APBB2: variants seen among roughly 807,000 people sequenced by gnomAD.
APBB2 encodes the protein amyloid beta precursor protein binding family B member 2, also known as Fe65-like 1.
A neutral mutation model predicts 82.5 loss-of-function variants in APBB2; 38 were observed. The ratio of observed to expected loss-of-function variants is 0.46; its 90% CI spans 0.36 to 0.60. APBB2 has a LOEUF of 0.60. APBB2 is among the 20% of genes least tolerant of loss of function. The probability of loss-of-function intolerance (pLI) is 0.00; values close to 1 mark genes in which losing one functional copy is unlikely to be tolerated. For missense variants in APBB2, 772 were observed against 972.3 expected, an observed-to-expected ratio of 0.79 and a Z score of 2.74; for synonymous variants, 341 against 368.2, an observed-to-expected ratio of 0.93 and a Z score of 0.85.
chr4:40,984,121 C>T (rs1219048982), intron 6 of APBB2, among the ~76,000 whole-genome samples: 3 of 152,058 alleles, frequency 2.0e-5, no homozygotes, highest in Admixed American at 1.3e-4. Flanking sequence ...AAGGGATGGC[C>T]GGATGAGGTT....
At chr4:41,046,003 G>A (rs1466676576) in intron 4 of APBB2, among the ~76,000 whole-genome samples, 1 of 151,980 alleles carries the variant, frequency 6.6e-6, no homozygotes, top group African/African-American at 2.4e-5. Flanking sequence ...TTTATATTCA[G>A]AGACAAAGAT....
At chr4:40,866,104 G>A (rs150183614) in intron 12 of APBB2, among the ~76,000 whole-genome samples, 44 of 152,282 alleles carry the variant, frequency 2.9e-4, no homozygotes, top group African/African-American at 9.1e-4. Flanking sequence ...CCACTCTTAC[G>A]TATTTACCCA....
chr4:40,997,642 TATTTTCATA>T (rs1237909353), intron 6 of APBB2, among the ~76,000 whole-genome samples: 2 of 152,214 alleles, frequency 1.3e-5, no homozygotes, highest in Non-Finnish European at 2.9e-5. Flanking sequence ...AGATTGAAGC[TATTTTCATA>T]ACACTCAGAT....
intron 12 of APBB2, among the ~76,000 whole-genome samples, chr4:40,888,089 G>A (rs974632839): frequency 1.3e-5 from 2 of 152,226 alleles, no homozygotes; most frequent in African/African-American, 4.8e-5. Flanking sequence ...AGGAAGCCAT[G>A]TCATTAGCTG....
chr4:40,985,162 G>C (rs938792138), intron 6 of APBB2, among the ~76,000 whole-genome samples: 18 of 151,566 alleles, frequency 1.2e-4, no homozygotes, highest in Admixed American at 6.6e-5. Context: ...TGATCCTCTT[G>C]CCTCAGCCTC....
chr4:40,955,875 A>C (rs1428195113), intron 6 of APBB2, among the ~76,000 whole-genome samples: 1 of 152,008 alleles, frequency 6.6e-6, no homozygotes, highest in Non-Finnish European at 1.5e-5. Context: ...TCCTGGGTTC[A>C]AGTGATTCTC....
intron 6 of APBB2, among the ~76,000 whole-genome samples, chr4:40,952,577 G>A (rs924299652): frequency 4.6e-5 from 7 of 152,252 alleles, no homozygotes; most frequent in Middle Eastern, 3.4e-3. Context: ...AACCCCAAAT[G>A]AATAAACTTG....
Position 41,041,023 on chromosome 4 carries a change from A to G in APBB2, c.-50-7719T>C, listed in dbSNP as rs151020088. Among the ~76,000 whole-genome samples the G allele has an allele frequency of 4.5e-3, 691 of 152,050 alleles. 4 individuals are homozygous for G. The highest frequency in any genetic ancestry group is 0.013 in the African/African-American group (541 of 41,468). ...AGCCTCTCGAGCAGCTGGGACTACA[A>G]GCGCCCACCACCACACCCGGCTGAT... is the stretch of plus-strand genomic sequence containing the variant. On this transcript the variant is annotated intron_variant, in intron 4 of 17. Coordinates refer to ENST00000508593, the MANE Select transcript of APBB2 (RefSeq NM_004307.2).
At chr4:40,942,234 G>C (rs916834203) in intron 7 of APBB2, among the ~76,000 whole-genome samples, 16 of 152,168 alleles carry the variant, frequency 1.1e-4, no homozygotes, top group African/African-American at 3.6e-4. Context: ...GAAGACTTTT[G>C]CCCTGTTGCT....
chr4:40,964,007 A>C (rs1158637023), intron 6 of APBB2, among the ~76,000 whole-genome samples: 1 of 152,234 alleles, frequency 6.6e-6, no homozygotes, highest in Non-Finnish European at 1.5e-5. Context: ...AGTACAAGTT[A>C]CTTTTAAAAG....
chr4:41,116,911 T>C (rs1751172139), intron 2 of APBB2, among the ~76,000 whole-genome samples: 1 of 152,164 alleles, frequency 6.6e-6, no homozygotes, highest in Admixed American at 6.5e-5. Context: ...GTGATTTTCT[T>C]TCCTCCAAAA....
At chr4:41,003,957 C>A (rs1382004915) in intron 6 of APBB2, among the ~76,000 whole-genome samples, 2 of 152,228 alleles carry the variant, frequency 1.3e-5, no homozygotes, top group Non-Finnish European at 2.9e-5. Context: ...AGGTGATCCG[C>A]CCACCTTGGC....
At position 40,946,254 on chromosome 4, in the gene APBB2, A is replaced by AAAAAAAAAAAAAAAAAAAAAAAAAC. The variant is rs1553875174; in HGVS notation, c.836-1182_836-1181insGTTTTTTTTTTTTTTTTTTTTTTTT. 2.4e-4 allele frequency among the ~76,000 whole-genome samples: 27 copies of AAAAAAAAAAAAAAAAAAAAAAAAAC among 114,600 alleles called. 2 individuals carry two copies. Among genetic ancestry groups the AAAAAAAAAAAAAAAAAAAAAAAAAC allele is most frequent in the Non-Finnish European group, 4.1e-4 (22 of 54,048 alleles). The allele number at this position is 114,600 out of a possible 152,430, so 75.2% of individuals were successfully genotyped here. A position where few individuals can be genotyped will look rare whatever the true frequency, so the allele number is the denominator to read the frequency against. ...CTCCAAAAAAAAAAAAAAAAAAAAA[A>AAAAAAAAAAAAAAAAAAAAAAAAAC]CATTCCCAAGGAAAGCAGATTGGAA... is the stretch of plus-strand genomic sequence containing the variant. On this transcript the variant is annotated intron_variant, in intron 6 of 17. Coordinates refer to ENST00000508593, the MANE Select transcript of APBB2 (RefSeq NM_004307.2).
chr4:41,067,633 C>T (rs938512660), intron 3 of APBB2, among the ~76,000 whole-genome samples: 5 of 152,108 alleles, frequency 3.3e-5, no homozygotes, highest in Non-Finnish European at 7.3e-5. Flanking sequence ...TCCTGGAGAA[C>T]ACACATAACA....
At chr4:41,054,135 G>T (rs1727013885) in intron 4 of APBB2, among the ~76,000 whole-genome samples, 1 of 152,188 alleles carries the variant, frequency 6.6e-6, no homozygotes, top group Admixed American at 6.5e-5. Flanking sequence ...TTTCCTTCAT[G>T]CTTGTCACCT....
chr4:41,038,824 A>G (rs1720263651), intron 4 of APBB2, among the ~76,000 whole-genome samples: 1 of 152,256 alleles, frequency 6.6e-6, no homozygotes, highest in Non-Finnish European at 1.5e-5. Flanking sequence ...AAGGAGGGAA[A>G]CATTTCAATA....
intron 3 of APBB2, among the ~76,000 whole-genome samples, chr4:41,074,066 C>T (rs577098845): frequency 1.5e-4 from 23 of 152,260 alleles, no homozygotes; most frequent in Non-Finnish European, 3.1e-4. Context: ...TTCAAGGCTA[C>T]AGTGAGCTAT....
At chr4:40,875,665 A>G (rs1766696758) in intron 12 of APBB2, among the ~76,000 whole-genome samples, 1 of 152,190 alleles carries the variant, frequency 6.6e-6, no homozygotes, top group African/African-American at 2.4e-5. Flanking sequence ...CAAGGCCATC[A>G]CCGAAATGAA....
chr4:40,927,692 G>A (rs1402257222), intron 10 of APBB2, among the ~76,000 whole-genome samples: 1 of 152,142 alleles, frequency 6.6e-6, no homozygotes, highest in Non-Finnish European at 1.5e-5. Flanking sequence ...ATGTTGCCCA[G>A]GCTGGTCTCG....
Sources: gnomAD v4.1 joint callset for allele counts (sites outside exome capture counted in the v4.1 genomes callset) on GRCh38, gnomAD v4.1.1 for gene constraint, MANE v1.5 for transcripts, NCBI Gene and HGNC (gene_info 2026-07-23, HGNC 2026-07-21) for gene names.